Variants in CCDC88A observed in about 807,000 individuals in gnomAD.
CCDC88A encodes the protein coiled-coil and HOOK domain protein 88A.
Under a neutral mutation model 234.3 loss-of-function variants are expected in CCDC88A, and 54 were observed. That is an observed-to-expected ratio of 0.23 (90% CI 0.19 to 0.29). The LOEUF (loss-of-function observed/expected upper bound fraction) is 0.29. Among genes scored for constraint, CCDC88A ranks in the 10% least tolerant of loss-of-function variants. CCDC88A has a pLI of 1.00. For synonymous variants in CCDC88A, 753 were observed against 737.8 expected (o/e 1.02, Z -0.33); for missense variants, 1,832 against 2,123.4 (o/e 0.86, Z 2.70).
chr2:55,395,698 G>A (rs995899704), intron 2 of CCDC88A, among the ~76,000 whole-genome samples: 1 of 152,190 alleles, frequency 6.6e-6, no homozygotes, highest in South Asian at 2.1e-4. Context: ...GCCTGGAATA[G>A]GTACTTTCAT....
At chr2:55,388,636 C>G (rs187808622) in intron 3 of CCDC88A, 142 bp downstream of exon 3, 23 of 452,550 alleles carry the variant, frequency 5.1e-5, no homozygotes, top group African/African-American at 4.6e-4. Flanking sequence ...AATAAACTAT[C>G]TTATTTACTA....
rs184370389 is a variant in CCDC88A, at chr2:55,381,639, A to G, written c.274-6756T>C. 7.2e-5 allele frequency among the ~76,000 whole-genome samples: 11 copies of G among 152,120 alleles called. No individual in the cohort carries two copies. In the East Asian group the frequency reaches 9.6e-4, roughly 13 times the overall value. The stretch of plus-strand genomic sequence containing the variant: ...GAGTTAAAGCTTATGCTGCTAATGC[A>G]TTGTAAGAAAGACTACTTCACAAAT... On this transcript the variant is annotated intron_variant, in intron 3 of 32. Coordinates refer to ENST00000436346, the MANE Select transcript of CCDC88A (RefSeq NM_001365480.1).
chr2:55,408,782 C>T (rs937448653), intron 2 of CCDC88A, among the ~76,000 whole-genome samples: 1 of 152,040 alleles, frequency 6.6e-6, no homozygotes, highest in Non-Finnish European at 1.5e-5. Flanking sequence ...TATAGACTTG[C>T]CCTAAATTCT....
At chr2:55,377,340 T>C (rs193095473) in intron 3 of CCDC88A, among the ~76,000 whole-genome samples, 310 of 151,610 alleles carry the variant, frequency 2.0e-3, no homozygotes, top group African/African-American at 7.2e-3. Context: ...TTATTTGTTA[T>C]AGAGACAAGG....
chr2:55,394,397 T>A (rs1346373667), intron 2 of CCDC88A: 1 of 152,160 alleles, frequency 6.6e-6, no homozygotes, highest in African/African-American at 2.4e-5. Context: ...AACATACGTT[T>A]GCATGTGTCT....
intron 2 of CCDC88A, among the ~76,000 whole-genome samples, chr2:55,401,447 A>ATATGTGT (rs1553436256): frequency 3.7e-5 from 1 of 27,160 alleles, no homozygotes; most frequent in African/African-American, 9.0e-5. Flanking sequence ...AAAAAAAAAA[A>ATATGTGT]ATATATATAT....
chr2:55,404,402 GTTTAA>G (rs1018068864), intron 2 of CCDC88A: 2 of 152,016 alleles, frequency 1.3e-5, no homozygotes, highest in African/African-American at 4.8e-5. Context: ...CACAATATCG[GTTTAA>G]TTTGTCTTTT....
intron 2 of CCDC88A, among the ~76,000 whole-genome samples, chr2:55,409,659 A>C (rs11125569): frequency 0.82 from 123,406 of 151,218 alleles, 51,199 homozygotes; most frequent in Admixed American, 0.91. Flanking sequence ...CCCTGAGTCC[A>C]ACTCCGGCCC....
At chr2:55,415,477 C>T (rs1480865153) in intron 2 of CCDC88A, among the ~76,000 whole-genome samples, 1 of 152,176 alleles carries the variant, frequency 6.6e-6, no homozygotes, top group Non-Finnish European at 1.5e-5. Flanking sequence ...GGGAAACAAG[C>T]ATGAATCCAA....
intron 5 of CCDC88A, among the ~76,000 whole-genome samples, chr2:55,370,288 T>C (rs566378921): frequency 5.3e-5 from 8 of 152,320 alleles, no homozygotes; most frequent in African/African-American, 1.7e-4. Context: ...GTTAGAATGA[T>C]GGTCTCCTTG....
intron 2 of CCDC88A, among the ~76,000 whole-genome samples, chr2:55,391,203 G>A (rs1265484393): frequency 1.3e-5 from 2 of 152,174 alleles, no homozygotes; most frequent in African/African-American, 4.8e-5. Flanking sequence ...AGAGTCATGT[G>A]TTAGAAGGAG....
intron 23 of CCDC88A, among the ~76,000 whole-genome samples, chr2:55,311,797 C>T (rs1037659825): frequency 6.6e-6 from 1 of 152,206 alleles, no homozygotes; most frequent in South Asian, 2.1e-4. Flanking sequence ...TCTGGAGACA[C>T]AACTTACCAA....
chr2:55,395,326 A>G (rs541518811), intron 2 of CCDC88A, among the ~76,000 whole-genome samples: 1 of 152,252 alleles, frequency 6.6e-6, no homozygotes, highest in South Asian at 2.1e-4. Context: ...TTCTCCATTA[A>G]TATGTTAATG....
At position 55,332,907 on chromosome 2, in the gene CCDC88A, C is replaced by A. The variant is rs571871739; in HGVS notation, c.2728-214G>T. Among the ~76,000 whole-genome samples, 1 of 152,210 alleles carries A rather than the reference C, an allele frequency of 6.6e-6. No individual in the cohort carries two copies. Among genetic ancestry groups the A allele is most frequent in the East Asian group, 1.9e-4 (1 of 5,190 alleles). On this transcript the variant is annotated intron_variant, in intron 15 of 32. Coordinates refer to ENST00000436346, the MANE Select transcript of CCDC88A (RefSeq NM_001365480.1). This position sits in a 1 kb window ranked among gnomAD's most constrained non-coding sequence, Gnocchi z 4.5. ...TTTTTTGCTAATACTTTAAACAAAACCTTAAAAGGGAGTAGTAACTCTTTA... is the reference window on the plus strand; with the variant it reads ...TTTTTTGCTAATACTTTAAACAAAAACTTAAAAGGGAGTAGTAACTCTTTA...
At chr2:55,370,079 A>T (rs762194601) in intron 5 of CCDC88A, among the ~76,000 whole-genome samples, 18 of 152,204 alleles carry the variant, frequency 1.2e-4, no homozygotes, top group Non-Finnish European at 1.9e-4. Flanking sequence ...TGGTAGATAC[A>T]TCATTCTGGC....
intron 3 of CCDC88A, among the ~76,000 whole-genome samples, chr2:55,384,765 G>C (rs1298789005): frequency 6.7e-6 from 1 of 149,944 alleles, no homozygotes; most frequent in African/African-American, 2.5e-5. Flanking sequence ...CAAGCAATTC[G>C]TGCGCCTCAG....
intron 17 of CCDC88A, among the ~76,000 whole-genome samples, chr2:55,327,267 A>G (rs1470048247): frequency 6.6e-6 from 1 of 152,224 alleles, no homozygotes; most frequent in East Asian, 1.9e-4. Flanking sequence ...TTATTGAAAA[A>G]AATGACTATT....
At chr2:55,408,218 G>A (rs1679921662) in intron 2 of CCDC88A, among the ~76,000 whole-genome samples, 1 of 151,960 alleles carries the variant, frequency 6.6e-6, no homozygotes. Flanking sequence ...CTCAAATTCT[G>A]AAAATCTACT....
chr2:55,299,706 A>AATGTTCCAAACAACT, intron 29 of CCDC88A, 133 bp downstream of exon 29: 1 of 635,478 alleles, frequency 1.6e-6, no homozygotes, highest in Non-Finnish European at 2.8e-6. Flanking sequence ...AAAAGTATAA[A>AATGTTCCAAACAACT]ATGTTCCAAA....
Sources: gnomAD v4.1 joint callset for allele counts (sites outside exome capture counted in the v4.1 genomes callset) on GRCh38, gnomAD v4.1.1 for gene constraint, Gnocchi (gnomAD v3.1) non-coding constraint, MANE v1.5 for transcripts, NCBI Gene and HGNC (gene_info 2026-07-23, HGNC 2026-07-21) for gene names.